GLCCI1: variants seen among roughly 807,000 people sequenced by gnomAD.
GLCCI1 encodes glucocorticoid-induced transcript 1 protein.
GLCCI1 carries 24 observed loss-of-function variants against 52.2 expected under a neutral mutation model. That is an observed-to-expected ratio of 0.46 (90% CI 0.33 to 0.65). The LOEUF (loss-of-function observed/expected upper bound fraction) is 0.65. Among genes scored for constraint, GLCCI1 ranks in the 30% least tolerant of loss-of-function variants. The probability of loss-of-function intolerance (pLI) is 0.02; values close to 1 mark genes in which losing one functional copy is unlikely to be tolerated. For synonymous variants in GLCCI1, 310 were observed against 276.5 expected (o/e 1.12, Z -1.20); for missense variants, 704 against 701.5 (o/e 1.00, Z -0.04).
At chr7:7,982,836 A>G (rs902986371) in intron 1 of GLCCI1, among the ~76,000 whole-genome samples, 5 of 152,012 alleles carry the variant, frequency 3.3e-5, no homozygotes, top group Non-Finnish European at 7.4e-5. Flanking sequence ...TTTGAGTTTT[A>G]TTTAGTTTTG....
intron 1 of GLCCI1, chr7:7,981,042 A>G (rs1780602891): frequency 6.2e-6 from 3 of 487,396 alleles, no homozygotes; most frequent in South Asian, 4.9e-5. Flanking sequence ...CAGAAAAAGA[A>G]GCTAAAACTC....
chr7:8,065,862 T>C (rs1052925730), intron 5 of GLCCI1, among the ~76,000 whole-genome samples: 2 of 152,216 alleles, frequency 1.3e-5, no homozygotes, highest in African/African-American at 4.8e-5. Flanking sequence ...AAGTTTTTGT[T>C]GTCATCGTCA....
rs570297301 is a variant in GLCCI1, at chr7:8,030,423, A to T, written c.696+7854A>T. On this transcript the variant is annotated intron_variant, in intron 3 of 7. Transcript: ENST00000223145. ...TAAAGACTTAAATCTGAGACCTCAA[A>T]CTATGAAACTACTACAAGAAACCAT... Among the ~76,000 whole-genome samples the T allele has an allele frequency of 2.6e-5, 4 of 152,322 alleles. No individual in the cohort carries two copies. In the South Asian group the frequency reaches 8.3e-4, roughly 32 times the overall value.
At chr7:8,053,149 A>C (rs1184690336) in intron 3 of GLCCI1, among the ~76,000 whole-genome samples, 2 of 151,828 alleles carry the variant, frequency 1.3e-5, no homozygotes, top group African/African-American at 4.8e-5. Flanking sequence ...GATGTTAAGT[A>C]AGGCCAGTTT....
chr7:8,079,705 A>G lies in GLCCI1; in HGVS notation c.1178-5192A>G, dbSNP rs368694781. Among the ~76,000 whole-genome samples, 42 of 151,648 alleles carry G rather than the reference A, an allele frequency of 2.8e-4. No homozygotes were observed. In the South Asian group the frequency reaches 7.9e-3, roughly 28 times the overall value. Reference sequence around the variant, plus strand: ...TGGCTTAATTTGTAAGTTGGCATCAATTTAATTCATACTTATGGAATGAGA... The same window carrying G: ...TGGCTTAATTTGTAAGTTGGCATCAGTTTAATTCATACTTATGGAATGAGA... On this transcript the variant is annotated intron_variant, in intron 6 of 7. Coordinates refer to ENST00000223145, the MANE Select transcript of GLCCI1 (RefSeq NM_138426.4).
intron 7 of GLCCI1, 86 bp downstream of exon 7, chr7:8,085,103 C>T: frequency 7.1e-7 from 1 of 1,417,326 alleles, no homozygotes; most frequent in Non-Finnish European, 9.7e-7. Flanking sequence ...GAATCAACTA[C>T]TCTATCCAGC....
chr7:8,038,149 C>A (rs4725059), intron 3 of GLCCI1, among the ~76,000 whole-genome samples: 92,985 of 152,024 alleles, frequency 0.61, 29,099 homozygotes, highest in African/African-American at 0.75. Context: ...AGCAAATGGA[C>A]AAACATTCTA....
intron 2 of GLCCI1, among the ~76,000 whole-genome samples, chr7:8,006,307 A>G (rs935831837): frequency 2.0e-5 from 3 of 152,182 alleles, no homozygotes; most frequent in South Asian, 2.1e-4. Context: ...TCAGAGGCAC[A>G]TTGTCTTGGA....
rs145142933 is a variant in GLCCI1 at position 8,043,013 on chromosome 7, G to A, written c.697-12420G>A. On this transcript the variant is annotated intron_variant, in intron 3 of 7. Coordinates refer to ENST00000223145, the MANE Select transcript of GLCCI1 (RefSeq NM_138426.4). ...ACAACTGCCTCTGCCTTCAGCAACC[G>A]CCATCCTGATCAGTCAGCTAACATC... 4.0e-3 allele frequency among the ~76,000 whole-genome samples: 608 copies of A among 152,262 alleles called. 1 individual carries two copies. The highest frequency in any genetic ancestry group is 0.014 in the African/African-American group (594 of 41,540).
Position 8,039,777 on chromosome 7 carries a change from A to G in GLCCI1, c.697-15656A>G, listed in dbSNP as rs560163841. 2.0e-5 allele frequency among the ~76,000 whole-genome samples: 3 copies of G among 152,264 alleles called. No individual in the cohort carries two copies. The East Asian group carries it at 5.8e-4, about 29-fold the overall frequency. On this transcript the variant is annotated intron_variant, in intron 3 of 7. Coordinates refer to ENST00000223145, the MANE Select transcript of GLCCI1 (RefSeq NM_138426.4). ...TTTGGGAGGCCACGCGGGGTGGATC[A>G]CTTGAGGTCAGAGGTTTGAGACCAG... is the stretch of plus-strand genomic sequence containing the variant.
chr7:8,033,015 C>T (rs1005113169), intron 3 of GLCCI1, among the ~76,000 whole-genome samples: 3 of 151,702 alleles, frequency 2.0e-5, no homozygotes, highest in African/African-American at 7.3e-5. Flanking sequence ...AAAATATGAG[C>T]AAACCAAATC....
intron 1 of GLCCI1, chr7:7,981,040 GA>G: frequency 2.0e-6 from 1 of 488,336 alleles, no homozygotes; most frequent in Non-Finnish European, 3.9e-6. Flanking sequence ...GGCAGAAAAA[GA>G]AGCTAAAACT....
intron 1 of GLCCI1, among the ~76,000 whole-genome samples, chr7:7,998,822 C>T (rs1333347204): frequency 6.6e-6 from 1 of 152,056 alleles, no homozygotes; most frequent in Non-Finnish European, 1.5e-5. Flanking sequence ...TTTTTTGCAG[C>T]AGGATATTTT....
intron 1 of GLCCI1, among the ~76,000 whole-genome samples, chr7:7,983,710 G>C (rs1184977166): frequency 6.6e-6 from 1 of 152,146 alleles, no homozygotes; most frequent in Non-Finnish European, 1.5e-5. Context: ...GATTGTTAGT[G>C]CATGCAAGTC....
intron 3 of GLCCI1, among the ~76,000 whole-genome samples, chr7:8,035,792 T>G (rs146644097): frequency 1.1e-3 from 162 of 152,316 alleles, no homozygotes; most frequent in African/African-American, 3.7e-3. Flanking sequence ...CAAATCATGT[T>G]CCTGCCTGCC....
chr7:8,003,838 C>T (rs897580901), intron 1 of GLCCI1, 70 bp from the exon 2 acceptor site: 4 of 1,370,552 alleles, frequency 2.9e-6, no homozygotes, highest in African/African-American at 2.9e-5. Flanking sequence ...ATTCTACAAA[C>T]TATGAAGTTA....
chr7:8,048,560 A>G (rs959047273), intron 3 of GLCCI1, among the ~76,000 whole-genome samples: 1 of 152,120 alleles, frequency 6.6e-6, no homozygotes, highest in Non-Finnish European at 1.5e-5. Flanking sequence ...GGGAACATAC[A>G]TGAGTCTTTC....
chr7:8,049,759 C>T (rs1400786139), intron 3 of GLCCI1, among the ~76,000 whole-genome samples: 1 of 152,142 alleles, frequency 6.6e-6, no homozygotes, highest in Non-Finnish European at 1.5e-5. Flanking sequence ...TAGTTATTTA[C>T]AGTTGAACAT....
At chr7:8,081,089 T>C (rs1247249045) in intron 6 of GLCCI1, among the ~76,000 whole-genome samples, 1 of 152,178 alleles carries the variant, frequency 6.6e-6, no homozygotes, top group Non-Finnish European at 1.5e-5. Context: ...CACCTAGGCC[T>C]AGGAAGAAGT....
Sources: gnomAD v4.1 joint callset for allele counts (sites outside exome capture counted in the v4.1 genomes callset) on GRCh38, gnomAD v4.1.1 for gene constraint, MANE v1.5 for transcripts, NCBI Gene and HGNC (gene_info 2026-07-23, HGNC 2026-07-21) for gene names.